Variants in PAX5 observed in about 807,000 individuals in gnomAD.
PAX5 encodes paired box 5.
A neutral mutation model predicts 43.7 loss-of-function variants in PAX5; 9 were observed. The observed-to-expected ratio is 0.21, with a 90% CI of 0.12 to 0.36. PAX5 has a LOEUF of 0.36. Ranked by LOEUF, PAX5 falls within the 10% of genes least tolerant of loss-of-function variation. The pLI is 1.00. For missense variants in PAX5, 383 were observed against 532.7 expected (o/e 0.72, Z 2.77); for synonymous variants, 228 against 214.3 (o/e 1.06, Z -0.56).
intron 5 of PAX5, among the ~76,000 whole-genome samples, chr9:36,989,496 G>C (rs200583469): frequency 7.0e-6 from 1 of 143,708 alleles, no homozygotes; most frequent in Admixed American, 7.1e-5. Context: ...TTAAAATCCA[G>C]AGTCAATACT....
chr9:36,884,335 C>T (rs963006161), intron 7 of PAX5, among the ~76,000 whole-genome samples: 1 of 151,980 alleles, frequency 6.6e-6, no homozygotes, highest in Admixed American at 6.6e-5. Context: ...AAGGATGGTT[C>T]AATATTAAAG....
intron 1 of PAX5, among the ~76,000 whole-genome samples, chr9:37,032,496 T>G (rs1841080082): frequency 6.6e-6 from 1 of 152,182 alleles, no homozygotes; most frequent in African/African-American, 2.4e-5. Context: ...TCCTGAGCCC[T>G]CATCCTGGGA....
chr9:36,937,822 CAG>C (rs1375541469), intron 6 of PAX5, among the ~76,000 whole-genome samples: 1 of 152,230 alleles, frequency 6.6e-6, no homozygotes, highest in Non-Finnish European at 1.5e-5. Context: ...ACCGTCAACT[CAG>C]AGGACAGCAG....
chr9:36,936,900 C>T (rs745365543), intron 6 of PAX5, among the ~76,000 whole-genome samples: 1 of 152,110 alleles, frequency 6.6e-6, no homozygotes, highest in Non-Finnish European at 1.5e-5. Context: ...CACCTCTCTG[C>T]CCTTCCGCTC....
chr9:37,024,240 C>A (rs748220863), intron 1 of PAX5, among the ~76,000 whole-genome samples: 1 of 152,110 alleles, frequency 6.6e-6, no homozygotes, highest in Non-Finnish European at 1.5e-5. Flanking sequence ...AGGAGGTTAT[C>A]GTGCTGATGA....
rs1343692667 is a variant in PAX5, at chr9:36,835,453, C to T, written c.*5107G>A. The T allele has an allele frequency of 7.7e-5, 18 of 232,544 alleles. No individual in the cohort carries two copies. The highest frequency in any genetic ancestry group is 6.8e-5 in the Non-Finnish European group (8 of 117,670). The allele number at this position is 232,544 out of a possible 1,614,324, so 14.4% of individuals were successfully genotyped here. On this transcript the variant is annotated 3_prime_UTR_variant, in exon 10 of 10. Coordinates refer to ENST00000358127, the MANE Select transcript of PAX5 (RefSeq NM_016734.3). ...CTCTGCAGAGGCCCTTGGGACCTGG[C>T]GCCACACGAGGTGCAGCCGAGCTGA...
intron 1 of PAX5, among the ~76,000 whole-genome samples, chr9:37,023,916 A>G (rs565041507): frequency 6.6e-6 from 1 of 152,338 alleles, no homozygotes; most frequent in Non-Finnish European, 1.5e-5. Context: ...TGGTTAGACT[A>G]GACAGAGAGA....
At chr9:36,944,707 G>A (rs1222512439) in intron 6 of PAX5, among the ~76,000 whole-genome samples, 2 of 152,198 alleles carry the variant, frequency 1.3e-5, no homozygotes, top group Admixed American at 6.5e-5. Flanking sequence ...AGATCCAGGG[G>A]TGGTTTTCAA....
chr9:37,033,987 T>C lies in PAX5; in HGVS notation c.45A>G (p.Thr15=), dbSNP rs1403953458. ...KNYPTPRTSR[T]GHGGVNQLGG... ...CTGGAGCCCGTATCGCGGTCCTACCTGTCCTGCTGGTCCGAGGAGTCGGAT... is the reference window on the plus strand; with the variant it reads ...CTGGAGCCCGTATCGCGGTCCTACCCGTCCTGCTGGTCCGAGGAGTCGGAT... The change falls in exon 1 of 10, where the codon ACA becomes ACG. Residue 15 remains threonine (T), a splice_region_variant and synonymous_variant. Transcript: ENST00000358127. The C allele has an allele frequency of 3.0e-5, 49 of 1,611,560 alleles. No individual in the cohort carries two copies. Among genetic ancestry groups the C allele is most frequent in the African/African-American group, 4.0e-5 (3 of 74,804 alleles).
chr9:36,936,156 C>A (rs1230673516), intron 6 of PAX5, among the ~76,000 whole-genome samples: 2 of 152,210 alleles, frequency 1.3e-5, no homozygotes, highest in Admixed American at 6.5e-5. Flanking sequence ...AAAGGTTATC[C>A]TGACAAGGCT....
intron 7 of PAX5, among the ~76,000 whole-genome samples, chr9:36,907,990 A>G (rs1351800738): frequency 6.6e-6 from 1 of 152,168 alleles, no homozygotes; most frequent in Non-Finnish European, 1.5e-5. Flanking sequence ...GCTCGAGCCC[A>G]GGAGTTTGAG....
intron 8 of PAX5, among the ~76,000 whole-genome samples, chr9:36,850,856 C>T (rs981964676): frequency 2.0e-5 from 3 of 152,182 alleles, no homozygotes; most frequent in African/African-American, 4.8e-5. Context: ...ACTTCTCCAT[C>T]GGCATTCCCC....
rs1826536713 is a variant in PAX5 at position 36,882,500 on chromosome 9, C to T, written c.911-395G>A. Among the ~76,000 whole-genome samples the T allele has an allele frequency of 6.6e-6, 1 of 152,182 alleles. No homozygotes were observed. The highest frequency in any genetic ancestry group is 2.4e-5 in the African/African-American group (1 of 41,436). The stretch of plus-strand genomic sequence containing the variant: ...CTCCATCTCCACACTGTTGTTTCTG[C>T]TATGTCCTTTGTACAAAGTCCCCCT... On this transcript the variant is annotated intron_variant, in intron 7 of 9. Coordinates refer to ENST00000358127, the MANE Select transcript of PAX5 (RefSeq NM_016734.3). The surrounding 1 kb of genome is among the most constrained non-coding windows in gnomAD (Gnocchi z 4.4).
chr9:36,906,429 T>G (rs755678932), intron 7 of PAX5, among the ~76,000 whole-genome samples: 5 of 152,246 alleles, frequency 3.3e-5, no homozygotes, highest in Non-Finnish European at 5.9e-5. Flanking sequence ...GAAGGGGCCA[T>G]GAGCCAAGGA....
chr9:36,895,270 T>G (rs1419237837), intron 7 of PAX5, among the ~76,000 whole-genome samples: 6 of 152,244 alleles, frequency 3.9e-5, no homozygotes, highest in African/African-American at 1.4e-4. Flanking sequence ...ATCCGCCGAA[T>G]GCATGCGAGG....
At chr9:36,968,059 C>T (rs1564021155) in intron 5 of PAX5, among the ~76,000 whole-genome samples, 1 of 152,198 alleles carries the variant, frequency 6.6e-6, no homozygotes. Context: ...CATCATTCCC[C>T]GGGGCTCTCT....
At chr9:36,847,332 T>G (rs1195011690) in intron 8 of PAX5, among the ~76,000 whole-genome samples, 1 of 152,186 alleles carries the variant, frequency 6.6e-6, no homozygotes, top group East Asian at 1.9e-4. Flanking sequence ...TTCTCATCCC[T>G]GAGTGAAGCC....
chr9:36,906,146 A>C (rs1828804914), intron 7 of PAX5, among the ~76,000 whole-genome samples: 1 of 152,180 alleles, frequency 6.6e-6, no homozygotes, highest in Non-Finnish European at 1.5e-5. Flanking sequence ...TAGACAGAAG[A>C]ATAATCCACC....
intron 8 of PAX5, chr9:36,861,159 T>A (rs1824180374): frequency 6.6e-6 from 1 of 151,928 alleles, no homozygotes; most frequent in African/African-American, 2.4e-5. Flanking sequence ...TGAGGAGCCC[T>A]GGTGGCATCT....
Sources: gnomAD v4.1 joint callset for allele counts (sites outside exome capture counted in the v4.1 genomes callset) on GRCh38, gnomAD v4.1.1 for gene constraint, Gnocchi (gnomAD v3.1) non-coding constraint, MANE v1.5 for transcripts, NCBI Gene and HGNC (gene_info 2026-07-23, HGNC 2026-07-21) for gene names.